GNG7: variants seen among roughly 807,000 people sequenced by gnomAD.
GNG7 encodes the protein guanine nucleotide-binding protein G(I)/G(S)/G(O) subunit gamma-7.
In GNG7, 1 loss-of-function variant was observed where a neutral mutation model predicts 4.0. The observed-to-expected ratio is 0.25, with a 90% CI of 0.09 to 1.18. GNG7 has a LOEUF of 1.18. Ranked by LOEUF, GNG7 falls within the 50% of genes most tolerant of loss-of-function variation. The pLI is 0.50. For missense variants in GNG7, 86 were observed against 91.9 expected, an observed-to-expected ratio of 0.94 and a Z score of 0.26; for synonymous variants, 34 against 36.9, an observed-to-expected ratio of 0.92 and a Z score of 0.29.
At chr19:2,597,833 T>C (rs1194101637) in intron 2 of GNG7, among the ~76,000 whole-genome samples, 2 of 150,180 alleles carry the variant, frequency 1.3e-5, no homozygotes, top group East Asian at 3.9e-4. Context: ...GAGGCAGAGC[T>C]TGCAGTGAGC....
chr19:2,664,464 G>A (rs556895714), intron 1 of GNG7, among the ~76,000 whole-genome samples: 3 of 152,300 alleles, frequency 2.0e-5, no homozygotes, highest in East Asian at 1.9e-4. Flanking sequence ...GCCAGGCCGG[G>A]CGTGACCTGG....
chr19:2,665,363 G>GC (rs1432334234), intron 1 of GNG7, among the ~76,000 whole-genome samples: 9 of 58,076 alleles, frequency 1.5e-4, no homozygotes, highest in Non-Finnish European at 2.2e-4. Flanking sequence ...GTGTCCCCTG[G>GC]GGGGGGGGGG....
rs745894322 is a variant in GNG7 at position 2,560,314 on chromosome 19, C to T, written c.-77-5126G>A. On this transcript the variant is annotated intron_variant, in intron 2 of 4. Transcript: ENST00000382159. ...CTGGCCGTGGCAGGAAGGAAGGGAC[C>T]GCCTCAGACCCCACATCACCCCATC... is the stretch of plus-strand genomic sequence containing the variant. 1.1e-4 allele frequency among the ~76,000 whole-genome samples: 16 copies of T among 152,232 alleles called. No individual in the cohort carries two copies. The Middle Eastern group carries it at 0.01, about 97-fold the overall frequency.
At chr19:2,685,681 G>C (rs894854745) in intron 1 of GNG7, among the ~76,000 whole-genome samples, 1 of 152,130 alleles carries the variant, frequency 6.6e-6, no homozygotes, top group African/African-American at 2.4e-5. Flanking sequence ...GCAGCTGAGA[G>C]TCAGAGACGG....
chr19:2,571,012 G>A (rs1980129536), intron 2 of GNG7, among the ~76,000 whole-genome samples: 1 of 151,426 alleles, frequency 6.6e-6, no homozygotes, highest in African/African-American at 2.4e-5. Flanking sequence ...ATGTTGTCCA[G>A]GTGGGTCTCA....
intron 2 of GNG7, among the ~76,000 whole-genome samples, chr19:2,581,978 C>T (rs1030870441): frequency 1.3e-4 from 20 of 152,150 alleles, no homozygotes; most frequent in African/African-American, 4.8e-4. Context: ...TCACCTACCA[C>T]CCATCTCTTG....
intron 2 of GNG7, among the ~76,000 whole-genome samples, chr19:2,575,378 G>C (rs1017993956): frequency 6.6e-6 from 1 of 152,174 alleles, no homozygotes; most frequent in Non-Finnish European, 1.5e-5. Context: ...CCCTGCTCGA[G>C]TCTTTTTGGG....
chr19:2,586,871 G>A (rs1032768131), intron 2 of GNG7, among the ~76,000 whole-genome samples: 5 of 151,394 alleles, frequency 3.3e-5, no homozygotes. Flanking sequence ...TGTAGTCCCA[G>A]CTACTCGGGA....
Position 2,616,137 on chromosome 19 carries a change from G to A in GNG7, c.-78+30087C>T, listed in dbSNP as rs140791530. ...AACACAGCTGGTGTGGGCCAGGCAT[G>A]GCACCTCACACCTGTGATCCCAGTG... On this transcript the variant is annotated intron_variant, in intron 2 of 4. Transcript: ENST00000382159. Among the ~76,000 whole-genome samples, 968 of 152,316 alleles carry A rather than the reference G, an allele frequency of 6.4e-3. 6 individuals carry two copies. The highest frequency in any genetic ancestry group is 0.022 in the African/African-American group (917 of 41,568).
intron 2 of GNG7, among the ~76,000 whole-genome samples, chr19:2,605,713 C>T (rs533539745): frequency 6.6e-5 from 10 of 150,860 alleles, no homozygotes; most frequent in East Asian, 2.0e-4. Context: ...GGGGTTTCAC[C>T]ATGTTGGCCA....
chr19:2,554,331 C>A (rs1412677963), intron 3 of GNG7, among the ~76,000 whole-genome samples: 1 of 149,210 alleles, frequency 6.7e-6, no homozygotes, highest in African/African-American at 2.4e-5. Flanking sequence ...GGATGACAGG[C>A]ACGTGCCACC....
At chr19:2,651,419 T>C (rs894409565) in intron 1 of GNG7, among the ~76,000 whole-genome samples, 1 of 127,424 alleles carries the variant, frequency 7.8e-6, no homozygotes, top group Non-Finnish European at 1.7e-5. Flanking sequence ...CTTCCCTCCT[T>C]CCTTTCTTCC....
chr19:2,528,022 C>A (rs959889873), intron 3 of GNG7, among the ~76,000 whole-genome samples: 12 of 152,014 alleles, frequency 7.9e-5, no homozygotes, highest in Admixed American at 7.9e-4. Flanking sequence ...AATCCCAGAA[C>A]TTTGGGAGGT....
rs1156698388 is a variant in GNG7 at position 2,626,426 on chromosome 19, G to A, written c.-78+19798C>T. Among the ~76,000 whole-genome samples, 2 of 152,148 alleles carry A rather than the reference G, an allele frequency of 1.3e-5. No individual in the cohort carries two copies. The highest frequency in any genetic ancestry group is 2.4e-5 in the African/African-American group (1 of 41,432). ...GTTGTCATGGGTGGAGCCGGAACCC[G>A]CTATGGCTCCCTCCTGCCCTCGGGA... On this transcript the variant is annotated intron_variant, in intron 2 of 4. Coordinates refer to ENST00000382159, the MANE Select transcript of GNG7 (RefSeq NM_052847.3). This position sits in a 1 kb window ranked among gnomAD's most constrained non-coding sequence, Gnocchi z 5.0.
At chr19:2,607,324 C>A (rs1427528539) in intron 2 of GNG7, among the ~76,000 whole-genome samples, 1 of 151,538 alleles carries the variant, frequency 6.6e-6, no homozygotes, top group African/African-American at 2.4e-5. Context: ...TCAAGACCAG[C>A]CTGGCCAACA....
rs565449253 is a variant in GNG7, at chr19:2,635,734, C to T, written c.-78+10490G>A. 2.6e-5 allele frequency among the ~76,000 whole-genome samples: 4 copies of T among 152,300 alleles called. No homozygotes were observed. In the South Asian group the frequency reaches 8.3e-4, roughly 32 times the overall value. ...AGTAGCTGGGATTGCAGGCGCCCGC[C>T]ACCACACCCAGCTAATTTTTGTATT... is the stretch of plus-strand genomic sequence containing the variant. On this transcript the variant is annotated intron_variant, in intron 2 of 4. Coordinates refer to ENST00000382159, the MANE Select transcript of GNG7 (RefSeq NM_052847.3).
chr19:2,650,279 G>A (rs1257311795), intron 1 of GNG7, among the ~76,000 whole-genome samples: 3 of 145,176 alleles, frequency 2.1e-5, no homozygotes, highest in Non-Finnish European at 3.0e-5. Context: ...TCCACCTCCC[G>A]AGTTCAAGCG....
At chr19:2,605,507 CTTTTTTTTT>C (rs10602276) in intron 2 of GNG7, among the ~76,000 whole-genome samples, 2 of 62,422 alleles carry the variant, frequency 3.2e-5, no homozygotes, top group Admixed American at 1.9e-4. Context: ...CCAAATCTCA[CTTTTTTTTT>C]TTTTTTTTTT....
intron 2 of GNG7, among the ~76,000 whole-genome samples, chr19:2,608,840 ACAGCCAAAAT>A (rs915582842): frequency 4.6e-5 from 7 of 152,332 alleles, no homozygotes; most frequent in African/African-American, 1.4e-4. Flanking sequence ...GCCTGCAACC[ACAGCCAAAAT>A]CAGTGTGCCT....
Sources: gnomAD v4.1 joint callset for allele counts (sites outside exome capture counted in the v4.1 genomes callset) on GRCh38, gnomAD v4.1.1 for gene constraint, Gnocchi (gnomAD v3.1) non-coding constraint, MANE v1.5 for transcripts, NCBI Gene and HGNC (gene_info 2026-07-23, HGNC 2026-07-21) for gene names.